BEND4: variants seen among roughly 807,000 people sequenced by gnomAD.
BEND4 encodes BEN domain-containing protein 4.
Under a neutral mutation model 54.7 loss-of-function variants are expected in BEND4, and 27 were observed. That is an observed-to-expected ratio of 0.49 (90% CI 0.36 to 0.68). The LOEUF (loss-of-function observed/expected upper bound fraction) is 0.68. Among genes scored for constraint, BEND4 ranks in the 30% least tolerant of loss-of-function variants. The pLI is 0.00. For missense variants in BEND4, 702 were observed against 697.2 expected (o/e 1.01, Z -0.08); for synonymous variants, 327 against 299.5 (o/e 1.09, Z -0.95).
Position 42,120,251 on chromosome 4 carries a change from C to T in BEND4, c.1190G>A (p.Ser397Asn). ...ATTTACAGCCTCATCCCACTGTTTG[C>T]TCGTTATGTAGACAGGATAGTTGTT... ...LLNNYPVYITSKQWDEAVNSS... is the reference protein window; with the variant it reads ...LLNNYPVYITNKQWDEAVNSS... The change falls in exon 5 of 6, where the codon AGC becomes AAC. Residue 397 changes from serine to asparagine, a missense_variant. By Grantham distance (46) the Ser-to-Asn change is conservative. Transcript: ENST00000502486. 1 of 1,613,542 alleles carries T rather than the reference C, an allele frequency of 6.2e-7. No individual in the cohort carries two copies. The highest frequency in any genetic ancestry group is 8.5e-7 in the Non-Finnish European group (1 of 1,179,572).
Position 42,117,497 on chromosome 4 carries a change from A to G in BEND4, c.*21T>C. 6.4e-7 allele frequency: 1 copy of G among 1,560,186 alleles called. No homozygotes were observed. The highest frequency in any genetic ancestry group is 8.8e-7 in the Non-Finnish European group (1 of 1,138,956). On this transcript the variant is annotated 3_prime_UTR_variant, in exon 6 of 6. Transcript: ENST00000502486. ...GGAACTCTTGAGAGGACCAGCTGCTACAACAGGAAGATTCTGTCCACTAAT... is the reference window on the plus strand; with the variant it reads ...GGAACTCTTGAGAGGACCAGCTGCTGCAACAGGAAGATTCTGTCCACTAAT...
intron 2 of BEND4, among the ~76,000 whole-genome samples, chr4:42,147,839 G>T (rs1320935381): frequency 6.6e-6 from 1 of 152,066 alleles, no homozygotes; most frequent in Admixed American, 6.5e-5. Flanking sequence ...TAAGAAGAGG[G>T]ATGGGAAGTA....
chr4:42,127,704 G>A (rs934235975), intron 3 of BEND4, among the ~76,000 whole-genome samples: 1 of 152,196 alleles, frequency 6.6e-6, no homozygotes, highest in Non-Finnish European at 1.5e-5. Flanking sequence ...GTTCTTCACA[G>A]TTTATGGTTA....
intron 2 of BEND4, among the ~76,000 whole-genome samples, chr4:42,149,956 G>C (rs982912194): frequency 2.0e-5 from 3 of 152,070 alleles, no homozygotes; most frequent in Non-Finnish European, 4.4e-5. Flanking sequence ...AGAAGCAAGA[G>C]GAGATCAAAG....
chr4:42,144,863 G>A (rs974484124), intron 2 of BEND4, among the ~76,000 whole-genome samples: 7 of 152,130 alleles, frequency 4.6e-5, no homozygotes, highest in Admixed American at 2.0e-4. Context: ...TAATGATATC[G>A]AAGGGTCTTG....
At chr4:42,130,022 G>C (rs987695135) in intron 3 of BEND4, among the ~76,000 whole-genome samples, 3 of 152,088 alleles carry the variant, frequency 2.0e-5, no homozygotes, top group Non-Finnish European at 4.4e-5. Flanking sequence ...CTAACATCCA[G>C]AATCTACAAG....
Position 42,138,192 on chromosome 4 carries a change from A to T in BEND4, c.1054+5236T>A, listed in dbSNP as rs573240924. 3.9e-5 allele frequency among the ~76,000 whole-genome samples: 6 copies of T among 152,326 alleles called. No homozygotes were observed. In the South Asian group the frequency reaches 1.2e-3, roughly 32 times the overall value. On this transcript the variant is annotated intron_variant, in intron 3 of 5. Transcript: ENST00000502486. ...AGACATGGAAACAACCTTGTCTGTC[A>T]ACAGACAAGTGGATAAAGAAACTGT... is the stretch of plus-strand genomic sequence containing the variant.
chr4:42,114,053 T>A lies in BEND4; in HGVS notation c.*3465A>T, dbSNP rs555682076. ...ATGTTCAAGTAAAATGAGAAAGTAC[T>A]TGTAAAATTGAAATGGTTACAGTTT... On this transcript the variant is annotated 3_prime_UTR_variant, in exon 6 of 6. Coordinates refer to ENST00000502486, the MANE Select transcript of BEND4 (RefSeq NM_207406.4). 6.6e-5 allele frequency: 10 copies of A among 152,216 alleles called. No homozygotes were observed. The highest frequency in any genetic ancestry group is 2.2e-4 in the African/African-American group (9 of 41,446). 9.4% of individuals were successfully genotyped at this position (152,216 alleles called of 1,614,324 possible). A position where few individuals can be genotyped will look rare whatever the true frequency, so the allele number is the denominator to read the frequency against.
intron 2 of BEND4, chr4:42,150,886 C>G (rs1721245111): frequency 6.6e-6 from 1 of 152,226 alleles, no homozygotes. Context: ...CAGCGTGCCA[C>G]GGACGGGGAC....
rs1719645825 is a variant in BEND4 at position 42,113,237 on chromosome 4, A to G, written c.*4281T>C. ...AATTAACGCAGATCTGTACTGTGAA[A>G]TGACACAGCACTGAATGAGGAAAGT... On this transcript the variant is annotated 3_prime_UTR_variant, in exon 6 of 6. Coordinates refer to ENST00000502486, the MANE Select transcript of BEND4 (RefSeq NM_207406.4). 1 of 152,252 alleles carries G rather than the reference A, an allele frequency of 6.6e-6. No homozygotes were observed. The highest frequency in any genetic ancestry group is 6.5e-5 in the Admixed American group (1 of 15,284). The allele number at this position is 152,252 out of a possible 1,614,324, so 9.4% of individuals were successfully genotyped here.
At position 42,143,825 on chromosome 4, in the gene BEND4, T is replaced by C. The variant is rs143081659; in HGVS notation, c.657A>G (p.Lys219=). The C allele has an allele frequency of 1.3e-6, 2 of 1,583,726 alleles. No homozygotes were observed. Among genetic ancestry groups the C allele is most frequent in the East Asian group, 2.2e-5 (1 of 44,754 alleles). Residue 219 remains lysine, a synonymous_variant, in exon 3 of 6, where the codon AAA becomes AAG. Transcript: ENST00000502486. ...NERQEHCHIG[K]GVHSQTSDNV... ...TGTCTGAGGTCTGACTGTGGACCCC[T>C]TTCCCAATGTGACAGTGCTCCTGTC...
rs965047096 is a variant in BEND4, at chr4:42,111,029, A to T, written c.*6489T>A. On this transcript the variant is annotated 3_prime_UTR_variant, in exon 6 of 6. Transcript: ENST00000502486. ...TATGAGGTAATAAAATCAACACTCC[A>T]ATTAGAACACCTGAAATAATTGGCT... 2 of 152,346 alleles carry T rather than the reference A, an allele frequency of 1.3e-5. No individual in the cohort carries two copies. The highest frequency in any genetic ancestry group is 2.9e-5 in the Non-Finnish European group (2 of 68,030). 9.4% of individuals were successfully genotyped at this position (152,346 alleles called of 1,614,324 possible).
intron 3 of BEND4, among the ~76,000 whole-genome samples, chr4:42,140,859 G>C (rs1720855969): frequency 6.6e-6 from 1 of 152,208 alleles, no homozygotes; most frequent in Non-Finnish European, 1.5e-5. Context: ...AGGCTCCTTT[G>C]GTTATGGTTC....
chr4:42,134,537 C>G (rs1310142162), intron 3 of BEND4, among the ~76,000 whole-genome samples: 2 of 152,194 alleles, frequency 1.3e-5, no homozygotes, highest in Non-Finnish European at 2.9e-5. Context: ...ACATGCCTAA[C>G]AGTGGGCTAG....
At chr4:42,136,895 C>T (rs1720716599) in intron 3 of BEND4, among the ~76,000 whole-genome samples, 1 of 152,194 alleles carries the variant, frequency 6.6e-6, no homozygotes, top group African/African-American at 2.4e-5. Flanking sequence ...GCACATAAAA[C>T]AAGTTATATA....
intron 3 of BEND4, among the ~76,000 whole-genome samples, chr4:42,131,717 G>A (rs968955652): frequency 3.9e-5 from 6 of 152,062 alleles, no homozygotes; most frequent in Admixed American, 1.3e-4. Flanking sequence ...AGGCAAATGG[G>A]TCCTGTACAT....
Position 42,112,939 on chromosome 4 carries a change from T to C in BEND4, c.*4579A>G, listed in dbSNP as rs1444378140. On this transcript the variant is annotated 3_prime_UTR_variant, in exon 6 of 6. Coordinates refer to ENST00000502486, the MANE Select transcript of BEND4 (RefSeq NM_207406.4). ...ACCCATCTGCTGGGTGACGTTTTCC[T>C]ACATTACTCCAACTGAAGTGGTTAT... 1 of 152,232 alleles carries C rather than the reference T, an allele frequency of 6.6e-6. No homozygotes were observed. The highest frequency in any genetic ancestry group is 2.4e-5 in the African/African-American group (1 of 41,466). 9.4% of individuals were successfully genotyped at this position (152,232 alleles called of 1,614,324 possible).
At chr4:42,130,298 G>A (rs1720460962) in intron 3 of BEND4, among the ~76,000 whole-genome samples, 1 of 151,984 alleles carries the variant, frequency 6.6e-6, no homozygotes, top group Non-Finnish European at 1.5e-5. Flanking sequence ...AGCTAACACG[G>A]TGAAACCCCA....
chr4:42,117,613 G>A lies in BEND4; in HGVS notation c.1510C>T (p.Leu504=). The change falls in exon 6 of 6, where the codon CTG becomes TTG. Residue 504 remains leucine (L), a synonymous_variant. Transcript: ENST00000502486. ...ARQGRAVGTF[L]HNGGSFYEGI... is the part of the protein sequence containing the mutation. ...TCATAAAATGAGCCACCGTTGTGCA[G>A]GAAAGTCCCCACCGCCCGCCCCTGT... is the stretch of plus-strand genomic sequence containing the variant. The A allele has an allele frequency of 6.2e-7, 1 of 1,613,280 alleles. No individual in the cohort carries two copies. Among genetic ancestry groups the A allele is most frequent in the Non-Finnish European group, 8.5e-7 (1 of 1,179,638 alleles).
Sources: allele counts gnomAD v4.1 joint callset (sites outside exome capture counted in the v4.1 genomes callset), GRCh38; gene constraint gnomAD v4.1.1; transcripts MANE v1.5; gene names NCBI Gene and HGNC (gene_info 2026-07-23, HGNC 2026-07-21).